The following AK5 variants were observed in gnomAD, a reference collection of about 807,000 sequenced individuals.
AK5 encodes adenylate kinase 5.
In AK5, 27 loss-of-function variants were observed where a neutral mutation model predicts 69.5. The observed-to-expected ratio is 0.39, with a 90% CI of 0.29 to 0.54. The LOEUF (loss-of-function observed/expected upper bound fraction) is 0.54. Among genes scored for constraint, AK5 ranks in the 20% least tolerant of loss-of-function variants. The pLI is 0.71. For synonymous variants in AK5, 260 were observed against 244.4 expected (o/e 1.06, Z -0.60); for missense variants, 531 against 700.4 (o/e 0.76, Z 2.73).
chr1:77,453,312 T>C (rs1162355282), intron 8 of AK5, among the ~76,000 whole-genome samples: 2 of 152,240 alleles, frequency 1.3e-5, no homozygotes, highest in African/African-American at 4.8e-5. Context: ...AAAGTATTTA[T>C]TGACTGTTGA....
chr1:77,364,022 G>A (rs562143554), intron 6 of AK5, among the ~76,000 whole-genome samples: 37 of 152,120 alleles, frequency 2.4e-4, no homozygotes, highest in African/African-American at 7.2e-4. Flanking sequence ...TGCATGGTAC[G>A]TGGAAAGTGT....
chr1:77,390,796 T>A (rs996530134), intron 6 of AK5, among the ~76,000 whole-genome samples: 4 of 152,188 alleles, frequency 2.6e-5, no homozygotes, highest in Non-Finnish European at 5.9e-5. Flanking sequence ...TTTTTATGTT[T>A]AAAGATGAAG....
chr1:77,357,182 T>A (rs992685746), intron 6 of AK5, among the ~76,000 whole-genome samples: 2 of 152,160 alleles, frequency 1.3e-5, no homozygotes, highest in Non-Finnish European at 2.9e-5. Context: ...AACCTTATGC[T>A]GGTGAAATGT....
intron 8 of AK5, among the ~76,000 whole-genome samples, chr1:77,477,203 A>AT (rs1190320591): frequency 1.3e-5 from 2 of 151,944 alleles, no homozygotes; most frequent in Admixed American, 1.3e-4. Context: ...AATTTTTTAA[A>AT]TTTTTTGTAG....
At chr1:77,437,973 G>A (rs988079926) in intron 8 of AK5, among the ~76,000 whole-genome samples, 6 of 151,946 alleles carry the variant, frequency 3.9e-5, no homozygotes, top group Non-Finnish European at 7.4e-5. Context: ...ATTAACTAAA[G>A]CAATTGTTAA....
At chr1:77,493,709 T>A (rs552125296) in intron 10 of AK5, among the ~76,000 whole-genome samples, 2 of 152,232 alleles carry the variant, frequency 1.3e-5, no homozygotes, top group Admixed American at 1.3e-4. Context: ...TCTTTCACAC[T>A]CTTCCAGGCC....
chr1:77,445,638 G>T (rs1402024864), intron 8 of AK5, among the ~76,000 whole-genome samples: 1 of 150,290 alleles, frequency 6.7e-6, no homozygotes. Flanking sequence ...AGGCTGGAGT[G>T]CAGTGGCATG....
chr1:77,282,414 C>G, intron 1 of AK5, 41 bp downstream of exon 1: 1 of 1,529,884 alleles, frequency 6.5e-7, no homozygotes, highest in Non-Finnish European at 8.8e-7. Context: ...CATCCGGGGA[C>G]TGCATCTCAG....
At chr1:77,442,093 G>A (rs1263799890) in intron 8 of AK5, among the ~76,000 whole-genome samples, 1 of 152,182 alleles carries the variant, frequency 6.6e-6, no homozygotes, top group Non-Finnish European at 1.5e-5. Flanking sequence ...AACCAGTAGG[G>A]CTTGGTGGCA....
intron 10 of AK5, among the ~76,000 whole-genome samples, chr1:77,496,762 T>A (rs1228269910): frequency 6.6e-6 from 1 of 152,182 alleles, no homozygotes. Flanking sequence ...ATCAGCACTC[T>A]GTGTCTAGCT....
intron 5 of AK5, among the ~76,000 whole-genome samples, chr1:77,304,278 T>G (rs1321434260): frequency 6.6e-6 from 1 of 152,208 alleles, no homozygotes; most frequent in Non-Finnish European, 1.5e-5. Context: ...GTGATGTTTG[T>G]CTTTCTATGC....
chr1:77,326,812 T>C (rs1660825629), intron 5 of AK5, among the ~76,000 whole-genome samples: 1 of 152,142 alleles, frequency 6.6e-6, no homozygotes, highest in African/African-American at 2.4e-5. Context: ...CTTTTTTAAA[T>C]GAATACAATG....
intron 8 of AK5, among the ~76,000 whole-genome samples, chr1:77,433,223 C>T (rs1651754247): frequency 1.3e-5 from 2 of 152,142 alleles, no homozygotes; most frequent in South Asian, 4.1e-4. Context: ...AAACAATGCA[C>T]AGGGGCACAG....
chr1:77,324,565 A>C (rs1428154816), intron 5 of AK5, among the ~76,000 whole-genome samples: 2 of 152,172 alleles, frequency 1.3e-5, no homozygotes, highest in East Asian at 3.8e-4. Flanking sequence ...TTCTCTGCTC[A>C]TCCCAGATAT....
chr1:77,403,035 T>C (rs1392309321), intron 6 of AK5, among the ~76,000 whole-genome samples: 3 of 152,332 alleles, frequency 2.0e-5, no homozygotes, highest in Admixed American at 2.0e-4. Flanking sequence ...TTTTCATTTC[T>C]CTGATGGCCA....
intron 8 of AK5, among the ~76,000 whole-genome samples, chr1:77,432,926 G>T (rs1651735362): frequency 6.6e-6 from 1 of 152,170 alleles, no homozygotes. Context: ...CTTGGGAAAC[G>T]CTGCCTATAG....
At chr1:77,439,264 G>T (rs2100631453) in intron 8 of AK5, among the ~76,000 whole-genome samples, 1 of 152,186 alleles carries the variant, frequency 6.6e-6, no homozygotes, top group East Asian at 1.9e-4. Flanking sequence ...TTTTCTAAAG[G>T]AAAAATGAGG....
At chr1:77,377,744 G>A (rs1191971171) in intron 6 of AK5, among the ~76,000 whole-genome samples, 1 of 152,124 alleles carries the variant, frequency 6.6e-6, no homozygotes, top group Admixed American at 6.5e-5. Flanking sequence ...GGTTCCTTAA[G>A]CGGGTGATAT....
intron 6 of AK5, among the ~76,000 whole-genome samples, chr1:77,382,343 C>CTT (rs776757240): frequency 1.4e-4 from 21 of 149,734 alleles, no homozygotes; most frequent in Non-Finnish European, 2.4e-4. Context: ...ATGTAAAACA[C>CTT]TTTTTTAAAT....
Sources: allele counts gnomAD v4.1 joint callset (sites outside exome capture counted in the v4.1 genomes callset), GRCh38; gene constraint gnomAD v4.1.1; transcripts MANE v1.5; gene names NCBI Gene and HGNC (gene_info 2026-07-23, HGNC 2026-07-21).